Variants in SORCS1 observed in about 807,000 individuals in gnomAD.
SORCS1 encodes the protein VPS10 domain-containing receptor SorCS1.
A neutral mutation model predicts 146.1 loss-of-function variants in SORCS1; 60 were observed. The observed-to-expected ratio is 0.41, with a 90% CI of 0.33 to 0.51. SORCS1 has a LOEUF of 0.51. Among genes scored for constraint, SORCS1 ranks in the 20% least tolerant of loss-of-function variants. The pLI is 0.21. For missense variants in SORCS1, 1,352 were observed against 1,487.6 expected (o/e 0.91, Z 1.50); for synonymous variants, 637 against 584.0 (o/e 1.09, Z -1.31).
At chr10:107,044,904 T>C (rs1959234789) in intron 1 of SORCS1, among the ~76,000 whole-genome samples, 1 of 151,474 alleles carries the variant, frequency 6.6e-6, no homozygotes, top group African/African-American at 2.4e-5. Flanking sequence ...GGGGTGTCAG[T>C]TTTATATTGA....
At chr10:106,725,821 C>T (rs1368280449) in intron 6 of SORCS1, among the ~76,000 whole-genome samples, 4 of 148,200 alleles carry the variant, frequency 2.7e-5, no homozygotes, top group Admixed American at 1.3e-4. Flanking sequence ...GTCCCAGCTC[C>T]TTGGGAGGCT....
At chr10:106,738,865 G>A (rs1387625775) in intron 5 of SORCS1, among the ~76,000 whole-genome samples, 4 of 151,946 alleles carry the variant, frequency 2.6e-5, no homozygotes, top group Non-Finnish European at 5.9e-5. Flanking sequence ...AGTGGCTCAC[G>A]TCTGTAATCC....
chr10:107,024,816 A>T (rs1310900575), intron 1 of SORCS1, among the ~76,000 whole-genome samples: 1 of 152,202 alleles, frequency 6.6e-6, no homozygotes, highest in Non-Finnish European at 1.5e-5. Flanking sequence ...TCTTTAAAAG[A>T]CATGGTCCTT....
intron 3 of SORCS1, 141 bp from the exon 4 acceptor site, chr10:106,776,833 G>A: frequency 2.6e-6 from 2 of 782,164 alleles, no homozygotes; most frequent in South Asian, 3.8e-5. Context: ...CCTTGACTCT[G>A]TCAGGATTAT....
intron 1 of SORCS1, among the ~76,000 whole-genome samples, chr10:107,126,627 G>C (rs987935445): frequency 1.3e-5 from 2 of 152,034 alleles, no homozygotes; most frequent in Non-Finnish European, 2.9e-5. Context: ...GCATATTTGT[G>C]GAGAGTCTGT....
intron 3 of SORCS1, among the ~76,000 whole-genome samples, chr10:106,793,762 A>G (rs1231419211): frequency 6.6e-6 from 1 of 152,258 alleles, no homozygotes; most frequent in Non-Finnish European, 1.5e-5. Context: ...AGCCAAATGT[A>G]TAAGTACTGG....
At chr10:106,679,178 AG>A in intron 12 of SORCS1, 77 bp downstream of exon 12, 2 of 1,079,832 alleles carry the variant, frequency 1.9e-6, no homozygotes. Flanking sequence ...CGCTGAAAAA[AG>A]TTCCCAGATT....
rs78757923 is a variant in SORCS1, at chr10:106,757,790, G to A, written c.959+3798C>T. Among the ~76,000 whole-genome samples the A allele has an allele frequency of 9.3e-3, 1,413 of 152,316 alleles. 9 individuals are homozygous for A. Among genetic ancestry groups the A allele is most frequent in the Non-Finnish European group, 0.014 (972 of 68,036 alleles). ...GTAAGGCTAAGAGGCAGAGACAAGA[G>A]CATTTGTTGATTTAGTAGAGCACAG... On this transcript the variant is annotated intron_variant, in intron 5 of 25. Coordinates refer to ENST00000263054, the MANE Select transcript of SORCS1 (RefSeq NM_052918.5).
chr10:106,659,365 C>T (rs1395628240), intron 17 of SORCS1, among the ~76,000 whole-genome samples: 1 of 152,190 alleles, frequency 6.6e-6, no homozygotes, highest in Non-Finnish European at 1.5e-5. Flanking sequence ...AAATGGTGAA[C>T]TGGGACATAT....
chr10:107,098,616 T>C (rs1187377465), intron 1 of SORCS1, among the ~76,000 whole-genome samples: 1 of 152,234 alleles, frequency 6.6e-6, no homozygotes, highest in African/African-American at 2.4e-5. Flanking sequence ...CACTATTTTA[T>C]AAGGGAAGAG....
intron 1 of SORCS1, among the ~76,000 whole-genome samples, chr10:107,120,992 G>A (rs1966372431): frequency 6.6e-6 from 1 of 152,168 alleles, no homozygotes; most frequent in Non-Finnish European, 1.5e-5. Flanking sequence ...AGAGGATAAA[G>A]AGAAAAGCGA....
At chr10:106,759,462 G>A (rs1858911295) in intron 5 of SORCS1, among the ~76,000 whole-genome samples, 1 of 152,188 alleles carries the variant, frequency 6.6e-6, no homozygotes, top group Non-Finnish European at 1.5e-5. Context: ...TTAGGGTAAG[G>A]TAGAATCACG....
chr10:107,174,557 T>C, the SORCS1 span, among the ~76,000 whole-genome samples: 1 of 152,166 alleles, frequency 6.6e-6, no homozygotes. Flanking sequence ...TTGGTGGCAT[T>C]GTGACTATGA....
chr10:106,813,186 G>C (rs976687220), intron 3 of SORCS1, among the ~76,000 whole-genome samples: 13 of 134,228 alleles, frequency 9.7e-5, no homozygotes, highest in African/African-American at 3.4e-4. Flanking sequence ...TCGCTGGAGT[G>C]CAATAGTGAG....
intron 10 of SORCS1, among the ~76,000 whole-genome samples, chr10:106,687,185 C>T (rs1253598219): frequency 1.3e-5 from 2 of 152,178 alleles, no homozygotes; most frequent in African/African-American, 4.8e-5. Context: ...GGCATCAGAG[C>T]TACTAAGAGG....
At chr10:106,915,375 A>C (rs1446088504) in intron 2 of SORCS1, among the ~76,000 whole-genome samples, 1 of 152,156 alleles carries the variant, frequency 6.6e-6, no homozygotes, top group Non-Finnish European at 1.5e-5. Flanking sequence ...TAGCTTATGC[A>C]TTATCCTTTC....
intron 2 of SORCS1, among the ~76,000 whole-genome samples, chr10:106,939,182 C>T (rs577334857): frequency 6.6e-6 from 1 of 152,266 alleles, no homozygotes; most frequent in Non-Finnish European, 1.5e-5. Flanking sequence ...AATCAAGTTC[C>T]AAAGATTTCC....
chr10:107,166,601 TCTC>T (rs1211688679), upstream of SORCS1, among the ~76,000 whole-genome samples: 1 of 152,172 alleles, frequency 6.6e-6, no homozygotes, highest in Non-Finnish European at 1.5e-5. Context: ...AGAGGTCCTC[TCTC>T]CTCCTCAAAT....
intron 22 of SORCS1, among the ~76,000 whole-genome samples, chr10:106,607,569 A>C (rs75822094): frequency 2.3e-3 from 351 of 152,290 alleles, no homozygotes; most frequent in African/African-American, 8.0e-3. Context: ...ACATTCCTTT[A>C]AATAGAAGAC....
Sources: gnomAD v4.1 joint callset for allele counts (sites outside exome capture counted in the v4.1 genomes callset) on GRCh38, gnomAD v4.1.1 for gene constraint, MANE v1.5 for transcripts, NCBI Gene and HGNC (gene_info 2026-07-23, HGNC 2026-07-21) for gene names.